IL1RAPL1: variants seen among roughly 807,000 people sequenced by gnomAD.
The protein encoded by IL1RAPL1 is interleukin 1 receptor accessory protein like 1.
A neutral mutation model predicts 48.4 loss-of-function variants in IL1RAPL1; 3 were observed. The observed-to-expected ratio is 0.06, with a 90% confidence interval of 0.03 to 0.16. The LOEUF (loss-of-function observed/expected upper bound fraction) is 0.16. Ranked by LOEUF, IL1RAPL1 falls within the 10% of genes least tolerant of loss-of-function variation. The pLI is 1.00. For synonymous variants in IL1RAPL1, 185 were observed against 187.7 expected (o/e 0.99, Z 0.12); for missense variants, 349 against 530.6 (o/e 0.66, Z 3.36).
At chrX:28,595,803 T>C (rs1933947390) in intron 1 of IL1RAPL1, among the ~76,000 whole-genome samples, 1 of 111,776 alleles carries the variant, frequency 8.9e-6, no homozygotes, top group South Asian at 3.8e-4. Context: ...TGTTTGGTTT[T>C]TGGATACCCC....
chrX:28,735,395 G>A (rs1935808584), intron 1 of IL1RAPL1, among the ~76,000 whole-genome samples: 1 of 104,959 alleles, frequency 9.5e-6, no homozygotes, highest in Admixed American at 1.1e-4. Context: ...TATGCTTTCT[G>A]GTAATGCAAT....
intron 5 of IL1RAPL1, among the ~76,000 whole-genome samples, chrX:29,540,634 A>T (rs1921407892): frequency 9.0e-6 from 1 of 111,489 alleles, no homozygotes; most frequent in South Asian, 3.8e-4. Context: ...CCGCATACCT[A>T]CAGTCATCTG....
At chrX:28,696,660 T>C (rs1935235451) in intron 1 of IL1RAPL1, among the ~76,000 whole-genome samples, 1 of 111,422 alleles carries the variant, frequency 9.0e-6, no homozygotes, top group African/African-American at 3.2e-5. Context: ...TGTACAACTA[T>C]GATATGTCAA....
chrX:29,203,353 A>G (rs1252185792), intron 2 of IL1RAPL1, among the ~76,000 whole-genome samples: 1 of 111,861 alleles, frequency 8.9e-6, no homozygotes, highest in Non-Finnish European at 1.9e-5. Flanking sequence ...TAACCAAATC[A>G]GGGCAGTTGG....
intron 1 of IL1RAPL1, among the ~76,000 whole-genome samples, chrX:28,730,365 C>A (rs1429587841): frequency 1.2e-4 from 13 of 111,285 alleles, no homozygotes; most frequent in Non-Finnish European, 1.9e-5. Flanking sequence ...ATAATTATTT[C>A]TTTCCTTTTA....
intron 2 of IL1RAPL1, among the ~76,000 whole-genome samples, chrX:28,886,917 A>G (rs1192234841): frequency 8.9e-6 from 1 of 111,893 alleles, no homozygotes; most frequent in Non-Finnish European, 1.9e-5. Flanking sequence ...TCATGGGACA[A>G]GGAAATGATG....
At chrX:29,065,130 G>A (rs1927427026) in intron 2 of IL1RAPL1, among the ~76,000 whole-genome samples, 1 of 106,408 alleles carries the variant, frequency 9.4e-6, no homozygotes, top group African/African-American at 3.5e-5. Flanking sequence ...TTTGAAATCA[G>A]GTGAAGGAAA....
intron 1 of IL1RAPL1, among the ~76,000 whole-genome samples, chrX:28,713,019 A>G (rs1037998207): frequency 6.3e-5 from 7 of 111,315 alleles, no homozygotes; most frequent in African/African-American, 1.6e-4. Flanking sequence ...TTCTTGTTCT[A>G]TAATGCCTTT....
chrX:28,713,144 C>T (rs1452229766), intron 1 of IL1RAPL1, among the ~76,000 whole-genome samples: 3 of 110,623 alleles, frequency 2.7e-5, no homozygotes, highest in African/African-American at 9.9e-5. Context: ...AACTCCACCT[C>T]ATTGGTTCAC....
chrX:29,690,109 G>A (rs1331846076), intron 6 of IL1RAPL1, among the ~76,000 whole-genome samples: 1 of 111,745 alleles, frequency 8.9e-6, no homozygotes. Context: ...AAGTAAAGTT[G>A]ACAGATAGGA....
chrX:29,832,232 T>C (rs1318882467), intron 6 of IL1RAPL1, among the ~76,000 whole-genome samples: 1 of 112,115 alleles, frequency 8.9e-6, no homozygotes, highest in Non-Finnish European at 1.9e-5. Flanking sequence ...TTATAGAGAA[T>C]GAAATTAAAT....
At chrX:29,918,689 C>G in intron 7 of IL1RAPL1, among the ~76,000 whole-genome samples, 1 of 110,541 alleles carries the variant, frequency 9.0e-6, no homozygotes, top group Admixed American at 9.7e-5. Context: ...CTTAGTCTGA[C>G]TTTAAGGTCG....
chrX:29,950,554 C>A (rs1319336041), intron 9 of IL1RAPL1, among the ~76,000 whole-genome samples: 1 of 111,676 alleles, frequency 9.0e-6, no homozygotes, highest in African/African-American at 3.3e-5. Context: ...TAGGAACCTA[C>A]TCTTCACCTA....
chrX:29,815,896 T>C (rs1198440368), intron 6 of IL1RAPL1, among the ~76,000 whole-genome samples: 3 of 111,531 alleles, frequency 2.7e-5, no homozygotes, highest in East Asian at 5.6e-4. Flanking sequence ...GCAAATTGCA[T>C]TGATTGATTT....
chrX:29,813,491 T>C (rs1167455273), intron 6 of IL1RAPL1, among the ~76,000 whole-genome samples: 1 of 112,198 alleles, frequency 8.9e-6, no homozygotes, highest in African/African-American at 3.2e-5. Context: ...TGTATCATTA[T>C]TTTCTAGCAT....
At chrX:29,345,640 C>T (rs769367423) in intron 3 of IL1RAPL1, among the ~76,000 whole-genome samples, 1 of 111,368 alleles carries the variant, frequency 9.0e-6, no homozygotes, top group Non-Finnish European at 1.9e-5. Context: ...ATGTATCAAT[C>T]TTTGTCTCAT....
Position 29,412,765 on chromosome X carries a change from C to G in IL1RAPL1, c.703+13457C>G, listed in dbSNP as rs148784819. On this transcript the variant is annotated intron_variant, in intron 5 of 10. Coordinates refer to ENST00000378993, the MANE Select transcript of IL1RAPL1 (RefSeq NM_014271.4). ...TAGTTCCATTGGTGGAGCTGCCATG[C>G]CTGGGCTCAGTGACCTTAACTAAGT... Among the ~76,000 whole-genome samples the G allele has an allele frequency of 9.4e-3, 1,057 of 111,859 alleles. 13 individuals are homozygous for G. The highest frequency in any genetic ancestry group is 0.032 in the African/African-American group (1,000 of 30,798).
chrX:29,922,356 A>G (rs1330902343), intron 8 of IL1RAPL1, among the ~76,000 whole-genome samples: 1 of 112,346 alleles, frequency 8.9e-6, no homozygotes, highest in Non-Finnish European at 1.9e-5. Flanking sequence ...TAAGTCTTTT[A>G]GTATGTTTTT....
intron 9 of IL1RAPL1, among the ~76,000 whole-genome samples, chrX:29,943,716 T>C (rs1174378070): frequency 2.7e-5 from 3 of 111,984 alleles, no homozygotes; most frequent in African/African-American, 9.7e-5. Flanking sequence ...TACCAAACTA[T>C]CAATTTCTAG....
Sources: allele counts gnomAD v4.1 joint callset (sites outside exome capture counted in the v4.1 genomes callset), GRCh38; gene constraint gnomAD v4.1.1; transcripts MANE v1.5; gene names NCBI Gene and HGNC (gene_info 2026-07-23, HGNC 2026-07-21).